The following ZPBP variants were observed in gnomAD, a reference collection of about 807,000 sequenced individuals.
ZPBP encodes the protein zona pellucida binding protein.
In ZPBP, 26 loss-of-function variants were observed where a neutral mutation model predicts 44.8. The ratio of observed to expected loss-of-function variants is 0.58; its 90% CI spans 0.43 to 0.81. The LOEUF is 0.81. Among genes scored for constraint, ZPBP ranks in the 30% least tolerant of loss-of-function variants. The probability of loss-of-function intolerance (pLI) is 0.00; values close to 1 mark genes in which losing one functional copy is unlikely to be tolerated. For synonymous variants in ZPBP, 174 were observed against 153.2 expected, an observed-to-expected ratio of 1.14 and a Z score of -1.00; for missense variants, 409 against 434.0, an observed-to-expected ratio of 0.94 and a Z score of 0.51.
chr7:50,068,171 A>C (rs1801631791), intron 3 of ZPBP, among the ~76,000 whole-genome samples: 1 of 152,074 alleles, frequency 6.6e-6, no homozygotes, highest in Non-Finnish European at 1.5e-5. Flanking sequence ...CATGAACAAG[A>C]CATTTGGCAT....
chr7:50,085,751 T>C (rs574459198), intron 2 of ZPBP, among the ~76,000 whole-genome samples: 172 of 152,098 alleles, frequency 1.1e-3, no homozygotes, highest in Non-Finnish European at 1.8e-3. Flanking sequence ...TGAGCAACAA[T>C]TGGGGAAAAC....
At chr7:50,004,094 CAG>C (rs1798205007) in intron 6 of ZPBP, among the ~76,000 whole-genome samples, 2 of 152,096 alleles carry the variant, frequency 1.3e-5, no homozygotes, top group South Asian at 4.1e-4. Flanking sequence ...GTGTTGCCAG[CAG>C]AGACTGACAT....
intron 7 of ZPBP, among the ~76,000 whole-genome samples, chr7:49,948,774 T>TA (rs1230705217): frequency 6.6e-6 from 1 of 152,160 alleles, no homozygotes. Flanking sequence ...GATGGGAATG[T>TA]AAAATGGTAT....
chr7:50,004,836 T>C (rs964792355), intron 6 of ZPBP, among the ~76,000 whole-genome samples: 1 of 152,012 alleles, frequency 6.6e-6, no homozygotes, highest in African/African-American at 2.4e-5. Flanking sequence ...AGCATAAGCA[T>C]TATGGGAATC....
chr7:50,067,862 C>T (rs1801607682), intron 3 of ZPBP, among the ~76,000 whole-genome samples: 1 of 152,172 alleles, frequency 6.6e-6, no homozygotes, highest in Admixed American at 6.5e-5. Flanking sequence ...GATGCCATGA[C>T]TTTATGACTT....
chr7:50,059,184 C>T (rs1758805537), intron 3 of ZPBP, among the ~76,000 whole-genome samples: 1 of 152,088 alleles, frequency 6.6e-6, no homozygotes, highest in South Asian at 2.1e-4. Flanking sequence ...CTACCTTTTT[C>T]TATTTTAGGT....
chr7:49,969,953 G>A (rs560556698), intron 7 of ZPBP, among the ~76,000 whole-genome samples: 8 of 152,066 alleles, frequency 5.3e-5, no homozygotes, highest in African/African-American at 1.9e-4. Context: ...TCTGCCACCC[G>A]GGTTCAAGTG....
chr7:49,990,789 GAATA>G (rs1387351061), intron 6 of ZPBP, among the ~76,000 whole-genome samples: 1 of 152,130 alleles, frequency 6.6e-6, no homozygotes, highest in African/African-American at 2.4e-5. Context: ...AGCTCATTGT[GAATA>G]AATATGACTG....
At chr7:49,920,292 G>A (rs1793962119) in intron 1 of ZPBP, 1 of 152,108 alleles carries the variant, frequency 6.6e-6, no homozygotes, top group African/African-American at 2.4e-5. Context: ...GTGGTATTTG[G>A]ATGAGATAAT....
At chr7:50,014,662 T>C (rs1584045183) in intron 6 of ZPBP, among the ~76,000 whole-genome samples, 1 of 151,480 alleles carries the variant, frequency 6.6e-6, no homozygotes, top group Admixed American at 6.6e-5. Context: ...ATGGGGTTTC[T>C]CCATGTTGGG....
intron 6 of ZPBP, among the ~76,000 whole-genome samples, chr7:50,017,055 G>A (rs1329252986): frequency 6.6e-6 from 1 of 152,032 alleles, no homozygotes; most frequent in South Asian, 2.1e-4. Flanking sequence ...GGGATGGTTC[G>A]AGGGTGACTC....
chr7:50,079,921 C>A (rs929581216), intron 3 of ZPBP, among the ~76,000 whole-genome samples: 12 of 151,536 alleles, frequency 7.9e-5, no homozygotes, highest in Admixed American at 6.6e-4. Context: ...AATGCAATTA[C>A]CTTTGTAAAT....
chr7:50,036,988 A>G (rs1289684131), intron 4 of ZPBP, among the ~76,000 whole-genome samples: 1 of 152,158 alleles, frequency 6.6e-6, no homozygotes, highest in East Asian at 1.9e-4. Context: ...AAAAAATTGT[A>G]AAATTTAATA....
intron 7 of ZPBP, among the ~76,000 whole-genome samples, chr7:49,960,722 C>A (rs1256069718): frequency 6.6e-6 from 1 of 152,010 alleles, no homozygotes; most frequent in African/African-American, 2.4e-5. Context: ...TACCAATAGC[C>A]ATTTGGAACT....
intron 3 of ZPBP, among the ~76,000 whole-genome samples, chr7:50,066,287 T>C (rs1408184103): frequency 1.3e-5 from 2 of 150,424 alleles, no homozygotes; most frequent in East Asian, 1.9e-4. Context: ...TGATTTAATA[T>C]GTGTTTTAAA....
At chr7:49,969,917 C>T (rs558034030) in intron 7 of ZPBP, among the ~76,000 whole-genome samples, 1 of 151,802 alleles carries the variant, frequency 6.6e-6, no homozygotes, top group South Asian at 2.1e-4. Context: ...TGGAATGCAG[C>T]GGCACAATCT....
At chr7:49,972,285 A>G (rs1300959824) in intron 7 of ZPBP, among the ~76,000 whole-genome samples, 1 of 151,872 alleles carries the variant, frequency 6.6e-6, no homozygotes, top group African/African-American at 2.4e-5. Flanking sequence ...ATCCATCTGG[A>G]AAGGAAGCAA....
At chr7:49,873,505 G>T (rs1791263554) in intron 2 of ZPBP, among the ~76,000 whole-genome samples, 1 of 152,186 alleles carries the variant, frequency 6.6e-6, no homozygotes, top group South Asian at 2.1e-4. Context: ...AATCTGGGGG[G>T]CACAAACATT....
chr7:49,998,292 G>A (rs1797944027), intron 6 of ZPBP, among the ~76,000 whole-genome samples: 1 of 152,166 alleles, frequency 6.6e-6, no homozygotes, highest in South Asian at 2.1e-4. Flanking sequence ...CCAGTCACAG[G>A]ATGGGATCCT....
Sources: allele counts gnomAD v4.1 joint callset (sites outside exome capture counted in the v4.1 genomes callset), GRCh38; gene constraint gnomAD v4.1.1; transcripts MANE v1.5; gene names NCBI Gene and HGNC (gene_info 2026-07-23, HGNC 2026-07-21).